SLC1A2: variants seen among roughly 807,000 people sequenced by gnomAD.
SLC1A2 encodes excitatory amino acid transporter 2.
SLC1A2 carries 15 observed loss-of-function variants against 48.8 expected under a neutral mutation model. That is an observed-to-expected ratio of 0.31 (90% CI 0.21 to 0.47). The LOEUF (loss-of-function observed/expected upper bound fraction) is 0.47, where lower values mean the gene tolerates loss of function less well. Among genes scored for constraint, SLC1A2 ranks in the 20% least tolerant of loss-of-function variants. The pLI is 0.99. For missense variants in SLC1A2, 502 were observed against 730.5 expected (o/e 0.69, Z 3.61); for synonymous variants, 279 against 272.6 (o/e 1.02, Z -0.23).
At chr11:35,380,739 G>C (rs1301642995) in intron 1 of SLC1A2, among the ~76,000 whole-genome samples, 2 of 152,348 alleles carry the variant, frequency 1.3e-5, no homozygotes, top group Admixed American at 6.5e-5. Context: ...TTAAAGAGGG[G>C]AGTGTGTGGG....
intron 8 of SLC1A2, among the ~76,000 whole-genome samples, chr11:35,281,569 C>A (rs1009860612): frequency 3.9e-5 from 6 of 152,150 alleles, no homozygotes; most frequent in African/African-American, 1.4e-4. Flanking sequence ...CGCCTGGATG[C>A]CTCACCATGG....
At chr11:35,283,907 C>CAAT (rs1188581540) in intron 8 of SLC1A2, among the ~76,000 whole-genome samples, 30 of 151,330 alleles carry the variant, frequency 2.0e-4, no homozygotes, top group Admixed American at 5.3e-4. Flanking sequence ...TATTAGACAT[C>CAAT]AATAATAATA....
intron 8 of SLC1A2, chr11:35,286,505 T>C (rs1359143179): frequency 9.4e-6 from 3 of 319,248 alleles, no homozygotes; most frequent in East Asian, 5.4e-5. Flanking sequence ...CATCACAGGA[T>C]TGCTAAAAAT....
intron 4 of SLC1A2, among the ~76,000 whole-genome samples, chr11:35,307,998 G>C (rs1203599132): frequency 6.6e-6 from 1 of 152,104 alleles, no homozygotes; most frequent in African/African-American, 2.4e-5. Context: ...ATGCAGGGAG[G>C]ATCACAAGAG....
At chr11:35,409,913 A>G (rs1263530088) in intron 1 of SLC1A2, among the ~76,000 whole-genome samples, 1 of 152,086 alleles carries the variant, frequency 6.6e-6, no homozygotes, top group Non-Finnish European at 1.5e-5. Context: ...TGTCTCAAAA[A>G]CAAATAAATA....
intron 6 of SLC1A2, among the ~76,000 whole-genome samples, chr11:35,293,585 G>A (rs1851077464): frequency 6.6e-6 from 1 of 152,204 alleles, no homozygotes; most frequent in Non-Finnish European, 1.5e-5. Context: ...TGTTCAGCCT[G>A]TGACAGTTTC....
intron 4 of SLC1A2, among the ~76,000 whole-genome samples, chr11:35,309,882 A>T (rs772133224): frequency 6.6e-6 from 1 of 152,146 alleles, no homozygotes; most frequent in Non-Finnish European, 1.5e-5. Context: ...ATCCAAAGGG[A>T]CCTTGATACT....
chr11:35,321,480 C>T (rs928514320), intron 1 of SLC1A2, among the ~76,000 whole-genome samples: 7 of 152,066 alleles, frequency 4.6e-5, no homozygotes, highest in African/African-American at 1.7e-4. Context: ...GGAACATACA[C>T]AATTTGGAAA....
chr11:35,265,632 C>G lies in SLC1A2; in HGVS notation c.1548G>C (p.Met516Ile). The G allele has an allele frequency of 6.2e-7, 1 of 1,612,652 alleles. No individual in the cohort carries two copies. The highest frequency in any genetic ancestry group is 8.5e-7 in the Non-Finnish European group (1 of 1,178,626). The change falls in exon 10 of 11, where the codon ATG becomes ATC. Residue 516 changes from methionine to isoleucine, a missense_variant. By Grantham distance (10) the Met-to-Ile change is conservative. This residue lies in a region of SLC1A2 where 102 missense variants were observed against 107.2 expected (regional missense o/e 0.95). Coordinates refer to ENST00000278379, the MANE Select transcript of SLC1A2 (RefSeq NM_004171.4). ...SQHRVHEDIE[M>I]TKTQSIYDDM... is the part of the protein sequence containing the mutation. The stretch of plus-strand genomic sequence containing the variant: ...CATCATAAATGGATTGAGTCTTGGT[C>G]ATTTCAATATCTTCATGCACTCGAT...
chr11:35,294,850 A>C (rs1162699357), intron 6 of SLC1A2, among the ~76,000 whole-genome samples: 4 of 152,156 alleles, frequency 2.6e-5, no homozygotes, highest in Admixed American at 2.6e-4. Flanking sequence ...CCCATTGTAA[A>C]TGGAGAGTGT....
chr11:35,397,152 T>A (rs1382913630), intron 1 of SLC1A2, among the ~76,000 whole-genome samples: 18 of 149,426 alleles, frequency 1.2e-4, no homozygotes, highest in Non-Finnish European at 2.7e-4. Context: ...TACCAATGAC[T>A]TTCTTCACAG....
rs1477610558 is a variant in SLC1A2, at chr11:35,378,568, C to T, written c.17+40382G>A. 2.6e-5 allele frequency among the ~76,000 whole-genome samples: 4 copies of T among 152,164 alleles called. 1 individual carries two copies. In the East Asian group the frequency reaches 7.7e-4, roughly 29 times the overall value. On this transcript the variant is annotated intron_variant, in intron 1 of 10. Transcript: ENST00000278379. ...TGAAAATTTTCATGAAAACTAAGAACCACCTAGTATAAGATTAAGAACCTT... is the reference window on the plus strand; with the variant it reads ...TGAAAATTTTCATGAAAACTAAGAATCACCTAGTATAAGATTAAGAACCTT...
chr11:35,336,312 C>A lies in SLC1A2; in HGVS notation c.18-18796G>T, dbSNP rs12417279. On this transcript the variant is annotated intron_variant, in intron 1 of 10. Transcript: ENST00000278379. ...AACCTGCACATCCTGCACATGTACC[C>A]CACAACTAAAATTAAAATTAAAATT... Among the ~76,000 whole-genome samples the A allele has an allele frequency of 6.7e-3, 1,022 of 152,022 alleles. 33 individuals are homozygous for A. Among genetic ancestry groups the A allele is most frequent in the Admixed American group, 0.034 (512 of 15,264 alleles).
chr11:35,311,277 G>A (rs992696351), intron 4 of SLC1A2, among the ~76,000 whole-genome samples: 9 of 151,748 alleles, frequency 5.9e-5, no homozygotes, highest in Non-Finnish European at 7.4e-5. Flanking sequence ...CTCTTGCCTC[G>A]GCCTCCCGAG....
intron 1 of SLC1A2, among the ~76,000 whole-genome samples, chr11:35,339,473 T>C (rs1852756920): frequency 6.6e-6 from 1 of 152,200 alleles, no homozygotes; most frequent in South Asian, 2.1e-4. Flanking sequence ...GGGAGATGTT[T>C]GGTTAGTGTG....
chr11:35,376,739 A>T (rs532491346), intron 1 of SLC1A2, among the ~76,000 whole-genome samples: 1 of 152,194 alleles, frequency 6.6e-6, no homozygotes, highest in African/African-American at 2.4e-5. Context: ...CAATGGTTAC[A>T]TTTAGACACC....
chr11:35,298,297 G>C (rs1851234402), intron 6 of SLC1A2: 2 of 152,088 alleles, frequency 1.3e-5, no homozygotes, highest in Admixed American at 1.3e-4. Flanking sequence ...ATAGTACTGA[G>C]CATACAGCAA....
chr11:35,419,869 T>A, upstream of SLC1A2: 1 of 451,268 alleles, frequency 2.2e-6, no homozygotes, highest in Non-Finnish European at 4.6e-6. This position sits in a 1 kb window ranked among gnomAD's most constrained non-coding sequence, Gnocchi z 5.4. Context: ...TGGCGCTCCC[T>A]CCTCACTCCC....
intron 7 of SLC1A2, chr11:35,291,774 G>A (rs11033058): frequency 0.26 from 40,396 of 157,632 alleles, 5,355 homozygotes; most frequent in Admixed American, 0.3. Context: ...TCCATTAGAG[G>A]TTCGTGTCGA....
Sources: allele counts gnomAD v4.1 joint callset (sites outside exome capture counted in the v4.1 genomes callset), GRCh38; gene constraint gnomAD v4.1.1; regional missense constraint gnomAD v4.1.1; non-coding constraint Gnocchi (gnomAD v3.1); transcripts MANE v1.5; gene names NCBI Gene and HGNC (gene_info 2026-07-23, HGNC 2026-07-21).